GPR155: variants seen among roughly 807,000 people sequenced by gnomAD.
GPR155 encodes lysosomal cholesterol signaling protein.
In GPR155, 65 loss-of-function variants were observed where a neutral mutation model predicts 93.1. The observed-to-expected ratio is 0.70, with a 90% CI of 0.57 to 0.86. The LOEUF (loss-of-function observed/expected upper bound fraction) is 0.86, where lower values mean the gene tolerates loss of function less well. GPR155 is among the 40% of genes least tolerant of loss of function. The pLI is 0.00. For synonymous variants in GPR155, 319 were observed against 360.1 expected (o/e 0.89, Z 1.29); for missense variants, 838 against 1,034.8 (o/e 0.81, Z 2.61).
chr2:174,477,766 G>T (rs530428492), intron 2 of GPR155, among the ~76,000 whole-genome samples: 2 of 152,060 alleles, frequency 1.3e-5, no homozygotes, highest in African/African-American at 4.8e-5. Context: ...CAACTTTTAG[G>T]TTCTAATTAA....
chr2:174,456,740 A>G (rs973997230), intron 10 of GPR155, among the ~76,000 whole-genome samples: 1 of 152,256 alleles, frequency 6.6e-6, no homozygotes, highest in African/African-American at 2.4e-5. Flanking sequence ...AATAAATAAA[A>G]TTTGGTATAT....
Position 174,468,937 on chromosome 2 carries a change from A to G in GPR155, c.1157T>C (p.Ile386Thr), listed in dbSNP as rs1687914513. The G allele has an allele frequency of 1.2e-6, 2 of 1,613,910 alleles. No individual in the cohort carries two copies. The highest frequency in any genetic ancestry group is 2.2e-5 in the South Asian group (2 of 91,082). Residue 386 changes from isoleucine (I) to threonine (T), a missense_variant, in exon 5 of 16, where the codon ATA becomes ACA. Physicochemically the swap from Ile to Thr is moderately conservative, Grantham distance 89. Transcript: ENST00000392552. ...AYAIQNVSFD[I>T]SIVSLISLIW... is the part of the protein sequence containing the mutation. ...CAAGGAGATCAGGCTGACAATACTT[A>G]TATCAAAACTAACATTCTGGATGGC...
intron 11 of GPR155, among the ~76,000 whole-genome samples, chr2:174,448,427 C>T: frequency 6.6e-6 from 1 of 151,918 alleles, no homozygotes. Context: ...ACCTAGGAAA[C>T]ACCATTCTGG....
At position 174,436,275 on chromosome 2, in the gene GPR155, A is replaced by G; in HGVS notation, c.2454T>C (p.Ile818=). The G allele has an allele frequency of 2.5e-6, 4 of 1,614,150 alleles. No individual in the cohort carries two copies. The highest frequency in any genetic ancestry group is 3.4e-6 in the Non-Finnish European group (4 of 1,179,988). The part of the protein sequence containing the change: ...RLVQGGVIQH[I]TNEYEFRDEY... ...CATCCCGGAATTCATACTCGTTGGT[A>G]ATATGTTGGATGACTCCCCCTTGTA... Residue 818 remains isoleucine, a synonymous_variant, in exon 16 of 16, where the codon ATT becomes ATC. Coordinates refer to ENST00000392552, the MANE Select transcript of GPR155 (RefSeq NM_152529.7).
At position 174,433,360 on chromosome 2, in the gene GPR155, T is replaced by C. The variant is rs1559090969; in HGVS notation, c.*2756A>G. The stretch of plus-strand genomic sequence containing the variant: ...TGTTGAAACCTAATCCTCAATCATG[T>C]TTAACATCTGTTTTTCACAGGAGAA... On this transcript the variant is annotated 3_prime_UTR_variant, in exon 16 of 16. Coordinates refer to ENST00000392552, the MANE Select transcript of GPR155 (RefSeq NM_152529.7). 1 of 152,234 alleles carries C rather than the reference T, an allele frequency of 6.6e-6. No homozygotes were observed. 9.4% of individuals were successfully genotyped at this position (152,234 alleles called of 1,614,324 possible).
rs76308372 is a variant in GPR155, at chr2:174,459,987, G to A, written c.1662C>T (p.Phe554=). 13,874 of 1,613,732 alleles carry A rather than the reference G, an allele frequency of 8.6e-3. 822 individuals are homozygous for A. The African/African-American group carries it at 0.14, about 16-fold the overall frequency. ...CCACTTTGTGGCTCTGAGACTGATC[G>A]AAACCTTCATAGCTTCCTGCTTGGG... is the stretch of plus-strand genomic sequence containing the variant. ...QTAQAGSYEG[F]DQSQSHKVVE... is the part of the protein sequence containing the mutation. Residue 554 remains phenylalanine (F), a synonymous_variant, in exon 10 of 16, where the codon TTC becomes TTT. Transcript: ENST00000392552.
intron 9 of GPR155, 66 bp from the exon 10 acceptor site, chr2:174,460,154 A>ATTTT (rs11385015): frequency 5.0e-4 from 199 of 399,810 alleles, no homozygotes; most frequent in African/African-American, 2.9e-3. Flanking sequence ...CTTAGGGCAC[A>ATTTT]TTTTTTTTTT....
chr2:174,460,725 G>A (rs570722127), intron 9 of GPR155, among the ~76,000 whole-genome samples: 36 of 152,140 alleles, frequency 2.4e-4, no homozygotes, highest in Middle Eastern at 6.8e-3. Flanking sequence ...TCACTTCCAC[G>A]TATAATTCAC....
intron 15 of GPR155, 27 bp downstream of exon 15, chr2:174,439,871 T>A: frequency 6.3e-7 from 1 of 1,594,716 alleles, no homozygotes; most frequent in Non-Finnish European, 8.6e-7. Context: ...TATAATTGTC[T>A]AGAACCTGTA....
At chr2:174,476,984 G>A (rs2105734765) in intron 2 of GPR155, among the ~76,000 whole-genome samples, 1 of 152,252 alleles carries the variant, frequency 6.6e-6, no homozygotes, top group East Asian at 1.9e-4. Context: ...CATTTTAATA[G>A]CCCTCAGTCC....
rs1274968996 is a variant in GPR155 at position 174,461,600 on chromosome 2, A to G, written c.1457T>C (p.Ile486Thr). ...ACTACCAACTTACCCCCAGCCAGAT[A>G]TTATGATTATTCCAACAGGAATTTG... ...RVQIPVGIII[I>T]SGWGIPALLV... The change falls in exon 8 of 16, where the codon ATA becomes ACA. Residue 486 changes from isoleucine to threonine, a missense_variant. By Grantham distance (89) the Ile-to-Thr change is moderately conservative (BLOSUM62 -1). This residue lies in a region of GPR155 where 663 missense variants were observed against 790.1 expected (regional missense o/e 0.84). Transcript: ENST00000392552. The G allele has an allele frequency of 6.2e-7, 1 of 1,608,080 alleles. No individual in the cohort carries two copies. Among genetic ancestry groups the G allele is most frequent in the African/African-American group, 1.3e-5 (1 of 74,784 alleles).
chr2:174,477,403 G>T (rs1688198361), intron 2 of GPR155, among the ~76,000 whole-genome samples: 1 of 151,958 alleles, frequency 6.6e-6, no homozygotes, highest in Non-Finnish European at 1.5e-5. Flanking sequence ...TGGAAATTTT[G>T]TAACTTTTTT....
chr2:174,472,134 G>T (rs181493470), intron 3 of GPR155, among the ~76,000 whole-genome samples: 1 of 152,228 alleles, frequency 6.6e-6, no homozygotes, highest in East Asian at 1.9e-4. Flanking sequence ...GGCTGGGCAC[G>T]GTGGCTCATG....
intron 2 of GPR155, among the ~76,000 whole-genome samples, chr2:174,476,585 C>G (rs1305188062): frequency 6.6e-6 from 1 of 152,034 alleles, no homozygotes; most frequent in Admixed American, 6.6e-5. Flanking sequence ...GCCTGGGCAA[C>G]AGAGTGAGAC....
At chr2:174,444,275 C>T (rs921506427) in intron 13 of GPR155, among the ~76,000 whole-genome samples, 7 of 151,478 alleles carry the variant, frequency 4.6e-5, no homozygotes, top group Non-Finnish European at 7.4e-5. Flanking sequence ...ATTAGCCGGG[C>T]GTAGTGGTGC....
Position 174,473,095 on chromosome 2 carries a change from A to C in GPR155, c.730T>G (p.Phe244Val), listed in dbSNP as rs776363909. The change falls in exon 3 of 16, where the codon TTT becomes GTT. Residue 244 changes from phenylalanine to valine, a missense_variant. This residue lies in a region of GPR155 where 663 missense variants were observed against 790.1 expected (regional missense o/e 0.84). Coordinates refer to ENST00000392552, the MANE Select transcript of GPR155 (RefSeq NM_152529.7). Reference protein sequence around the residue: ...DRKVPVYVENFLDGLGNSFSG... With the variant: ...DRKVPVYVENVLDGLGNSFSG... ...AAAGAATTTCCAAGTCCATCAAGAA[A>C]ATTTTCGACATATACAGGTACCTTT... 6.2e-7 allele frequency: 1 copy of C among 1,602,060 alleles called. No homozygotes were observed. Among genetic ancestry groups the C allele is most frequent in the Non-Finnish European group, 8.5e-7 (1 of 1,177,438 alleles).
In GPR155 at chr2:174,459,798, T is replaced by A. The variant is rs995924491; in HGVS notation, c.1771+80A>T. 3 of 1,026,564 alleles carry A rather than the reference T, an allele frequency of 2.9e-6. No homozygotes were observed. The African/African-American group carries it at 4.8e-5, about 17-fold the overall frequency. 63.6% of individuals were successfully genotyped at this position (1,026,564 alleles called of 1,614,324 possible). ...AGGCGGAGGTTGCAGTGAGCTGAGATCATGCCACTGCACTCCAGCCGGGAT... is the reference window on the plus strand; with the variant it reads ...AGGCGGAGGTTGCAGTGAGCTGAGAACATGCCACTGCACTCCAGCCGGGAT... On this transcript the variant is annotated intron_variant, in intron 10 of 15. Coordinates refer to ENST00000392552, the MANE Select transcript of GPR155 (RefSeq NM_152529.7).
At chr2:174,444,537 G>A (rs1687061313) in intron 13 of GPR155, among the ~76,000 whole-genome samples, 1 of 134,422 alleles carries the variant, frequency 7.4e-6, no homozygotes. Flanking sequence ...CTGTCACCCA[G>A]GCTGGAGTGC....
chr2:174,452,322 T>C (rs1687344283), intron 11 of GPR155, among the ~76,000 whole-genome samples: 1 of 152,210 alleles, frequency 6.6e-6, no homozygotes, highest in African/African-American at 2.4e-5. Context: ...ATAAATCCCA[T>C]CTGAATAACA....
Sources: allele counts gnomAD v4.1 joint callset (sites outside exome capture counted in the v4.1 genomes callset), GRCh38; gene constraint gnomAD v4.1.1; regional missense constraint gnomAD v4.1.1; transcripts MANE v1.5; gene names NCBI Gene and HGNC (gene_info 2026-07-23, HGNC 2026-07-21).